SLC9C2: variants seen among roughly 807,000 people sequenced by gnomAD.
SLC9C2 encodes solute carrier family 9 member C2 (putative), also known as sodium/hydrogen exchanger 11.
SLC9C2 carries 75 observed loss-of-function variants against 140.2 expected under a neutral mutation model. That is an observed-to-expected ratio of 0.53 (90% CI 0.44 to 0.65). The LOEUF is 0.65. SLC9C2 is among the 30% of genes least tolerant of loss of function. SLC9C2 has a pLI of 0.00. For synonymous variants in SLC9C2, 375 were observed against 420.9 expected (o/e 0.89, Z 1.34); for missense variants, 1,074 against 1,331.8 (o/e 0.81, Z 3.01).
At position 173,501,105 on chromosome 1, in the gene SLC9C2, A is replaced by T. The variant is rs1157099042; in HGVS notation, c.3372-8T>A. On this transcript the variant is annotated splice_region_variant and splice_polypyrimidine_tract_variant and intron_variant, in intron 27 of 27. Transcript: ENST00000367714. Reference sequence around the variant, plus strand: ...ATGGTATCCAGTTTTCAACTATAAAAGAAAGTCAAAAGTTAAATATTAGCC... The same window carrying T: ...ATGGTATCCAGTTTTCAACTATAAATGAAAGTCAAAAGTTAAATATTAGCC... 7 of 1,535,810 alleles carry T rather than the reference A, an allele frequency of 4.6e-6. No homozygotes were observed. The Middle Eastern group carries it at 1.0e-3, about 228-fold the overall frequency.
At chr1:173,506,612 A>C (rs562267461) in intron 25 of SLC9C2, among the ~76,000 whole-genome samples, 1 of 152,316 alleles carries the variant, frequency 6.6e-6, no homozygotes, top group East Asian at 1.9e-4. Context: ...CGCCAGGGCA[A>C]AGGGCGTGGC....
In SLC9C2 at chr1:173,557,633, T is replaced by G. The variant is rs1663804807; in HGVS notation, c.1047-125A>C. On this transcript the variant is annotated intron_variant, in intron 9 of 27. Transcript: ENST00000367714. ...TCGGGAAAGAAAAAAACAATGCAAT[T>G]TACTGTTAAGTCCTTCCAATTTTCT... The G allele has an allele frequency of 3.5e-6, 3 of 865,910 alleles. No individual in the cohort carries two copies. The East Asian group carries it at 8.2e-5, about 24-fold the overall frequency. 53.6% of individuals were successfully genotyped at this position (865,910 alleles called of 1,614,324 possible).
rs1661454042 is a variant in SLC9C2 at position 173,529,891 on chromosome 1, T to G, written c.2313+14A>C. 10 of 1,601,578 alleles carry G rather than the reference T, an allele frequency of 6.2e-6. No homozygotes were observed. Among genetic ancestry groups the G allele is most frequent in the Non-Finnish European group, 8.5e-6 (10 of 1,176,906 alleles). On this transcript the variant is annotated intron_variant, in intron 18 of 27. Transcript: ENST00000367714. ...GGGGTTTTTCTCCCCAAATGACCAG[T>G]GCTTGTTTCTCACCTGATATATTGA... is the stretch of plus-strand genomic sequence containing the variant.
intron 18 of SLC9C2, 36 bp downstream of exon 18, chr1:173,529,869 G>A: frequency 6.3e-7 from 1 of 1,583,942 alleles, no homozygotes; most frequent in Non-Finnish European, 8.5e-7. Flanking sequence ...CACCTAAGGG[G>A]TTTTTCTCCC....
At chr1:173,544,407 G>A (rs1662683080) in intron 13 of SLC9C2, among the ~76,000 whole-genome samples, 1 of 152,172 alleles carries the variant, frequency 6.6e-6, no homozygotes, top group South Asian at 2.1e-4. Context: ...TACACTGTTG[G>A]TGGGAGTGTA....
intron 4 of SLC9C2, among the ~76,000 whole-genome samples, chr1:173,594,502 T>A (rs1263227701): frequency 1.3e-5 from 2 of 152,080 alleles, no homozygotes. Flanking sequence ...GGAAGCTGAA[T>A]CCAGAAAGAT....
At chr1:173,524,685 G>A in intron 20 of SLC9C2, 94 bp downstream of exon 20, 1 of 1,412,238 alleles carries the variant, frequency 7.1e-7, no homozygotes, top group Non-Finnish European at 9.7e-7. Context: ...AACACCTGTG[G>A]TTAAACAATT....
chr1:173,564,663 A>C (rs1571571705), intron 9 of SLC9C2, among the ~76,000 whole-genome samples: 2 of 116,712 alleles, frequency 1.7e-5, no homozygotes, highest in Non-Finnish European at 3.4e-5. Context: ...TTTGAGATGG[A>C]GCCTTGCTCT....
At chr1:173,523,895 T>C in intron 21 of SLC9C2, 74 bp downstream of exon 21, 3 of 1,535,514 alleles carry the variant, frequency 2.0e-6, no homozygotes, top group Non-Finnish European at 2.6e-6. Context: ...TTTCTGTTAA[T>C]CTTTCATTAG....
chr1:173,576,421 T>C (rs2102195973), intron 8 of SLC9C2, among the ~76,000 whole-genome samples: 1 of 152,356 alleles, frequency 6.6e-6, no homozygotes, highest in South Asian at 2.1e-4. Context: ...TTTGTCAGGT[T>C]ACATATAAAA....
intron 11 of SLC9C2, among the ~76,000 whole-genome samples, chr1:173,550,930 G>A (rs1329871993): frequency 6.7e-6 from 1 of 148,642 alleles, no homozygotes; most frequent in Non-Finnish European, 1.5e-5. Flanking sequence ...GGGAAGAGGA[G>A]GGGAGGGGAG....
At chr1:173,502,964 G>A (rs1164672005) in intron 27 of SLC9C2, among the ~76,000 whole-genome samples, 1 of 152,112 alleles carries the variant, frequency 6.6e-6, no homozygotes, top group African/African-American at 2.4e-5. Context: ...GTGTCTACAC[G>A]TGTGCATGAT....
At position 173,535,954 on chromosome 1, in the gene SLC9C2, CAGAG is replaced by C; in HGVS notation, c.1656-9_1656-6del. ...ACATCATAAATACTCATGAATCTAA[CAGAG>C]AAAAATGTACATATGTGTTATAATA... On this transcript the variant is annotated splice_region_variant and splice_polypyrimidine_tract_variant and intron_variant, in intron 14 of 27. Coordinates refer to ENST00000367714, the MANE Select transcript of SLC9C2 (RefSeq NM_178527.4). The C allele has an allele frequency of 6.7e-7, 1 of 1,495,706 alleles. No individual in the cohort carries two copies. Among genetic ancestry groups the C allele is most frequent in the Non-Finnish European group, 9.0e-7 (1 of 1,116,224 alleles). 92.7% of individuals were successfully genotyped at this position (1,495,706 alleles called of 1,614,324 possible).
intron 23 of SLC9C2, among the ~76,000 whole-genome samples, chr1:173,512,756 T>G (rs1051094079): frequency 5.9e-5 from 9 of 152,226 alleles, no homozygotes; most frequent in African/African-American, 2.2e-4. Context: ...GCTTCCAGCT[T>G]TTGCCATTCA....
intron 12 of SLC9C2, 145 bp downstream of exon 12, chr1:173,548,244 C>T: frequency 1.2e-6 from 1 of 811,604 alleles, no homozygotes; most frequent in Non-Finnish European, 1.9e-6. Flanking sequence ...AAACTCATTT[C>T]ACCAAAATAG....
intron 7 of SLC9C2, among the ~76,000 whole-genome samples, chr1:173,581,301 C>A (rs1489167593): frequency 6.6e-6 from 1 of 152,176 alleles, no homozygotes; most frequent in East Asian, 1.9e-4. Context: ...ACTAAACTAG[C>A]TGAAGGTCAG....
At chr1:173,502,252 G>A (rs1304130422) in intron 27 of SLC9C2, among the ~76,000 whole-genome samples, 1 of 116,592 alleles carries the variant, frequency 8.6e-6, no homozygotes, top group Non-Finnish European at 1.6e-5. Flanking sequence ...CAGCCCATGT[G>A]ACAGAGTGAG....
chr1:173,534,017 AAAC>A (rs1661773913), intron 16 of SLC9C2, among the ~76,000 whole-genome samples: 1 of 152,164 alleles, frequency 6.6e-6, no homozygotes, highest in Non-Finnish European at 1.5e-5. Flanking sequence ...GGAATGCCAA[AAAC>A]AACTATTAAA....
At chr1:173,522,197 G>A (rs1194877831) in intron 21 of SLC9C2, among the ~76,000 whole-genome samples, 1 of 146,262 alleles carries the variant, frequency 6.8e-6, no homozygotes, top group African/African-American at 2.6e-5. Flanking sequence ...ATTCCAGCCT[G>A]GGCGACAGAG....
Sources: gnomAD v4.1 joint callset for allele counts (sites outside exome capture counted in the v4.1 genomes callset) on GRCh38, gnomAD v4.1.1 for gene constraint, MANE v1.5 for transcripts, NCBI Gene and HGNC (gene_info 2026-07-23, HGNC 2026-07-21) for gene names.